Variants in MTAP observed in about 807,000 individuals in gnomAD.
MTAP encodes methylthioadenosine phosphorylase, also known as S-methyl-5'-thioadenosine phosphorylase.
In MTAP, 33 loss-of-function variants were observed where a neutral mutation model predicts 33.6. That is an observed-to-expected ratio of 0.98 (90% CI 0.74 to 1.31). MTAP has a LOEUF of 1.31. Ranked by LOEUF, MTAP falls within the 40% of genes most tolerant of loss-of-function variation. MTAP has a pLI of 0.00. For missense variants in MTAP, 367 were observed against 360.0 expected, an observed-to-expected ratio of 1.02 and a Z score of -0.16; for synonymous variants, 148 against 125.7, an observed-to-expected ratio of 1.18 and a Z score of -1.19.
At chr9:21,939,057 C>T (rs1416401983), downstream of MTAP, among the ~76,000 whole-genome samples, 5 of 152,276 alleles carry the variant, frequency 3.3e-5, no homozygotes, top group South Asian at 2.1e-4. Context: ...ATCATGGAGT[C>T]TGGTCTTTCC....
Position 21,865,504 on chromosome 9 carries a change from C to T in MTAP, c.*3490C>T, listed in dbSNP as rs937878749. The T allele has an allele frequency of 2.0e-6, 2 of 985,428 alleles. No individual in the cohort carries two copies. Among genetic ancestry groups the T allele is most frequent in the Admixed American group, 6.1e-5 (1 of 16,262 alleles). The allele number at this position is 985,428 out of a possible 1,614,324, so 61.0% of individuals were successfully genotyped here. A position where few individuals can be genotyped will look rare whatever the true frequency, so the allele number is the denominator to read the frequency against. Reference sequence around the variant, plus strand: ...CTACCAGTGTGCACACAATCTGGCTCAATGTATATATTGGCCCAGCAAGGC... The same window carrying T: ...CTACCAGTGTGCACACAATCTGGCTTAATGTATATATTGGCCCAGCAAGGC... On this transcript the variant is annotated 3_prime_UTR_variant, in exon 8 of 8. Transcript: ENST00000644715.
Position 21,929,839 on chromosome 9 carries a change from G to T in MTAP, c.148-1169G>T, listed in dbSNP as rs897607406. 1.6e-5 allele frequency: 4 copies of T among 244,396 alleles called. No individual in the cohort carries two copies. The Admixed American group carries it at 1.8e-4, about 11-fold the overall frequency. The allele number at this position is 244,396 out of a possible 1,614,324, so 15.1% of individuals were successfully genotyped here. ...TGGGAATAACCTCTATTTGTCTTATGGCCAAAAGAAAAAGATGGATTGGAT... is the reference window on the plus strand; with the variant it reads ...TGGGAATAACCTCTATTTGTCTTATTGCCAAAAGAAAAAGATGGATTGGAT... On this transcript the variant is annotated intron_variant, in intron 1 of 1. Transcript: ENST00000577563.
At chr9:21,877,071 T>G (rs965921608) in intron 1 of MTAP, among the ~76,000 whole-genome samples, 24 of 152,202 alleles carry the variant, frequency 1.6e-4, no homozygotes, top group African/African-American at 5.8e-4. Context: ...TGGAAATCTT[T>G]CACTTTCCTG....
intron 1 of MTAP, chr9:21,929,320 C>G (rs965517020): frequency 1.3e-5 from 2 of 155,828 alleles, no homozygotes. Flanking sequence ...TAAGGTGATC[C>G]TAGTATTAGG....
chr9:21,850,862 G>A (rs1042542495), intron 5 of MTAP, among the ~76,000 whole-genome samples: 5 of 152,190 alleles, frequency 3.3e-5, no homozygotes. Flanking sequence ...GCTCAAGCAG[G>A]TCCTGAAGGC....
At chr9:21,861,896 A>C in intron 7 of MTAP, 80 bp from the exon 8 acceptor site, 1 of 923,868 alleles carries the variant, frequency 1.1e-6, no homozygotes, top group South Asian at 1.4e-5. Context: ...CTAGAAAATC[A>C]AAATCTGTTT....
intron 1 of MTAP, among the ~76,000 whole-genome samples, chr9:21,809,448 G>T (rs1204822275): frequency 6.6e-6 from 1 of 151,728 alleles, no homozygotes; most frequent in African/African-American, 2.4e-5. Flanking sequence ...GACCATCCTG[G>T]CTAACATGGT....
chr9:21,869,836 A>G (rs2065200790), downstream of MTAP, among the ~76,000 whole-genome samples: 1 of 152,176 alleles, frequency 6.6e-6, no homozygotes, highest in African/African-American at 2.4e-5. Context: ...TGTTCCCTAG[A>G]GCAAGCAACC....
intron 5 of MTAP, among the ~76,000 whole-genome samples, chr9:21,848,946 C>CG (rs1445159202): frequency 6.6e-6 from 1 of 152,184 alleles, no homozygotes; most frequent in Non-Finnish European, 1.5e-5. Context: ...TCAGAACAGT[C>CG]TGACTCGTGT....
chr9:21,812,064 T>G (rs1824364854), intron 1 of MTAP: 1 of 238,304 alleles, frequency 4.2e-6, no homozygotes, highest in African/African-American at 2.3e-5. Context: ...CATCATATTC[T>G]TGGCATCAAA....
At chr9:21,914,020 A>T (rs975791108) in intron 1 of MTAP, among the ~76,000 whole-genome samples, 7 of 152,242 alleles carry the variant, frequency 4.6e-5, no homozygotes, top group Non-Finnish European at 1.0e-4. Context: ...GCCAACAGAC[A>T]TATGAAAAAA....
intron 1 of MTAP, among the ~76,000 whole-genome samples, chr9:21,886,084 G>T (rs1818104934): frequency 6.6e-6 from 1 of 150,882 alleles, no homozygotes; most frequent in South Asian, 2.1e-4. Context: ...CACCAGCAAT[G>T]TAAAAGTGTT....
At chr9:21,852,935 G>A (rs1228008472) in intron 5 of MTAP, among the ~76,000 whole-genome samples, 4 of 152,092 alleles carry the variant, frequency 2.6e-5, no homozygotes, top group Admixed American at 6.5e-5. Flanking sequence ...TACCACATCC[G>A]TCTGTTTAGT....
At chr9:21,818,317 CTTTTT>C (rs35709813) in intron 4 of MTAP, 115 bp downstream of exon 4, 3,170 of 237,836 alleles carry the variant, frequency 0.013, 102 homozygotes, top group Middle Eastern at 0.026. Context: ...GACTCGCTTG[CTTTTT>C]TTTTTTTTTT....
At chr9:21,914,963 A>G (rs1818651409) in intron 1 of MTAP, among the ~76,000 whole-genome samples, 1 of 151,422 alleles carries the variant, frequency 6.6e-6, no homozygotes, top group Non-Finnish European at 1.5e-5. Flanking sequence ...TTCTCAAGGT[A>G]CATCCATAGT....
rs1824091254 is a variant in MTAP at position 21,802,920 on chromosome 9, A to G, written c.33+139A>G. On this transcript the variant is annotated intron_variant, in intron 1 of 7. Transcript: ENST00000644715. ...CCGCGGGGAGGGACTGGGGCGCGGC[A>G]CTCGGGACTCACTTGCCGCGCGAGG... is the stretch of plus-strand genomic sequence containing the variant. The G allele has an allele frequency of 2.1e-6, 3 of 1,399,460 alleles. No individual in the cohort carries two copies. In the African/African-American group the frequency reaches 4.7e-5, roughly 22 times the overall value. The allele number at this position is 1,399,460 out of a possible 1,614,324, so 86.7% of individuals were successfully genotyped here. A position where few individuals can be genotyped will look rare whatever the true frequency, so the allele number is the denominator to read the frequency against.
intron 4 of MTAP, among the ~76,000 whole-genome samples, chr9:21,818,897 T>C (rs949331429): frequency 6.6e-6 from 1 of 152,196 alleles, no homozygotes; most frequent in Admixed American, 6.5e-5. Flanking sequence ...AACTGAAATT[T>C]TGTGCTTTGA....
At chr9:21,887,615 G>A (rs947711555) in intron 1 of MTAP, among the ~76,000 whole-genome samples, 2 of 152,120 alleles carry the variant, frequency 1.3e-5, no homozygotes, top group Non-Finnish European at 2.9e-5. Flanking sequence ...ATAATCCTTT[G>A]GGTATATACC....
At chr9:21,819,723 T>G (rs9775566) in intron 4 of MTAP, among the ~76,000 whole-genome samples, 10,744 of 152,306 alleles carry the variant, frequency 0.071, 445 homozygotes, top group African/African-American at 0.11. Flanking sequence ...CACACTGTCT[T>G]CCACAATGGT....
Sources: allele counts gnomAD v4.1 joint callset (sites outside exome capture counted in the v4.1 genomes callset), GRCh38; gene constraint gnomAD v4.1.1; transcripts MANE v1.5; gene names NCBI Gene and HGNC (gene_info 2026-07-23, HGNC 2026-07-21).